The following RETREG1 variants were observed in gnomAD, a reference collection of about 807,000 sequenced individuals.
The protein encoded by RETREG1 is reticulophagy regulator 1.
A neutral mutation model predicts 54.8 loss-of-function variants in RETREG1; 44 were observed. The ratio of observed to expected loss-of-function variants is 0.80; its 90% CI spans 0.63 to 1.03. The LOEUF is 1.03. RETREG1 is among the 50% of genes least tolerant of loss of function. The probability of loss-of-function intolerance (pLI) is 0.00; values close to 1 mark genes in which losing one functional copy is unlikely to be tolerated. For missense variants in RETREG1, 554 were observed against 605.1 expected (o/e 0.92, Z 0.89); for synonymous variants, 217 against 238.5 (o/e 0.91, Z 0.83).
At chr5:16,577,851 C>G (rs1200352072) in intron 1 of RETREG1, among the ~76,000 whole-genome samples, 1 of 152,176 alleles carries the variant, frequency 6.6e-6, no homozygotes, top group Non-Finnish European at 1.5e-5. Flanking sequence ...TTCTCTCTTG[C>G]CTGCCACGAT....
chr5:16,492,252 C>CA (rs369527539), intron 3 of RETREG1, among the ~76,000 whole-genome samples: 33,387 of 147,976 alleles, frequency 0.23, 4,514 homozygotes, highest in Admixed American at 0.41. Context: ...CACACACACA[C>CA]CATTCTTGTT....
rs778992505 is a variant in RETREG1 at position 16,475,070 on chromosome 5, C to G, written c.1165G>C (p.Glu389Gln). The G allele has an allele frequency of 1.2e-6, 2 of 1,613,954 alleles. No homozygotes were observed. Among genetic ancestry groups the G allele is most frequent in the Non-Finnish European group, 1.7e-6 (2 of 1,179,920 alleles). Residue 389 changes from glutamate (E) to glutamine (Q), a missense_variant, in exon 9 of 9, where the codon GAG becomes CAG. By Grantham distance (29) the Glu-to-Gln change is conservative. Around this residue, in one of 4 missense-constraint regions of RETREG1, gnomAD observed 347 missense variants for 412.3 expected, o/e 0.84. Coordinates refer to ENST00000306320, the MANE Select transcript of RETREG1 (RefSeq NM_001034850.3). Reference sequence around the variant, plus strand: ...GTGAGACCAGCTGCTGATTGCGTCTCTTTGCTTGGTCTGTGACCACTGTCC... The same window carrying G: ...GTGAGACCAGCTGCTGATTGCGTCTGTTTGCTTGGTCTGTGACCACTGTCC... Reference protein sequence around the residue: ...QLDSGHRPSKETQSAAGLTLP... With the variant: ...QLDSGHRPSKQTQSAAGLTLP...
chr5:16,555,833 A>G (rs764362928), intron 3 of RETREG1, among the ~76,000 whole-genome samples: 24 of 152,242 alleles, frequency 1.6e-4, no homozygotes, highest in Non-Finnish European at 4.4e-5. Context: ...GCAAAATCTT[A>G]ATTTGTATTC....
intron 3 of RETREG1, among the ~76,000 whole-genome samples, chr5:16,518,338 C>A (rs1740426193): frequency 6.7e-6 from 1 of 149,278 alleles, no homozygotes; most frequent in South Asian, 2.1e-4. Flanking sequence ...GAAGGAAAGG[C>A]AAACTAGAAG....
chr5:16,596,292 C>T (rs26607), intron 1 of RETREG1, among the ~76,000 whole-genome samples: 1 of 152,008 alleles, frequency 6.6e-6, no homozygotes, highest in Non-Finnish European at 1.5e-5. Flanking sequence ...CAGACTAGTG[C>T]CTTCAAAGAA....
intron 1 of RETREG1, among the ~76,000 whole-genome samples, chr5:16,586,147 C>T (rs187682344): frequency 4.3e-4 from 66 of 152,218 alleles, no homozygotes; most frequent in African/African-American, 1.2e-3. Context: ...AAGAAAGAAA[C>T]GGTGTGGCAG....
chr5:16,601,675 C>A lies in RETREG1; in HGVS notation c.320+14977G>T, dbSNP rs142052876. Among the ~76,000 whole-genome samples the A allele has an allele frequency of 3.9e-5, 6 of 152,186 alleles. No individual in the cohort carries two copies. In the East Asian group the frequency reaches 1.2e-3, roughly 29 times the overall value. ...CCTCCCAAAGTGCTGCGATTATAGG[C>A]GTGAGCCACCATACCTGGCCAGGAA... On this transcript the variant is annotated intron_variant, in intron 1 of 8. Transcript: ENST00000306320.
intron 3 of RETREG1, among the ~76,000 whole-genome samples, chr5:16,518,282 T>C (rs1248617208): frequency 4.0e-5 from 6 of 148,610 alleles, no homozygotes; most frequent in Non-Finnish European, 5.9e-5. Flanking sequence ...TATATTTATA[T>C]ATACACTTAT....
At chr5:16,615,750 G>A (rs944013393) in intron 1 of RETREG1, among the ~76,000 whole-genome samples, 1 of 152,140 alleles carries the variant, frequency 6.6e-6, no homozygotes, top group Non-Finnish European at 1.5e-5. Context: ...TCTATTTTGT[G>A]CAATTTATTT....
chr5:16,560,647 C>T (rs902854898), intron 3 of RETREG1, among the ~76,000 whole-genome samples: 1 of 152,184 alleles, frequency 6.6e-6, no homozygotes, highest in Non-Finnish European at 1.5e-5. Flanking sequence ...CTGAGCTCAG[C>T]ACCTGTGAAT....
At chr5:16,598,722 T>C (rs932205542) in intron 1 of RETREG1, among the ~76,000 whole-genome samples, 3 of 152,184 alleles carry the variant, frequency 2.0e-5, no homozygotes, top group African/African-American at 7.2e-5. Flanking sequence ...AGAACCACCT[T>C]TAACCATCCT....
chr5:16,476,971 G>A lies in RETREG1; in HGVS notation c.1000+691C>T, dbSNP rs191686648. On this transcript the variant is annotated intron_variant, in intron 8 of 8. Coordinates refer to ENST00000306320, the MANE Select transcript of RETREG1 (RefSeq NM_001034850.3). The stretch of plus-strand genomic sequence containing the variant: ...TTTGAAGACAAATGTGAGAAACTCC[G>A]GAGTCAGCTTTGGACTCAGGGAACT... 2.4e-4 allele frequency among the ~76,000 whole-genome samples: 37 copies of A among 152,116 alleles called. No homozygotes were observed. In the East Asian group the frequency reaches 2.9e-3, roughly 12 times the overall value.
intron 3 of RETREG1, among the ~76,000 whole-genome samples, chr5:16,504,684 G>T (rs1739873215): frequency 6.6e-6 from 1 of 152,166 alleles, no homozygotes; most frequent in South Asian, 2.1e-4. Context: ...GGCTCCTCAG[G>T]AGTCAGCCAC....
intron 1 of RETREG1, among the ~76,000 whole-genome samples, chr5:16,604,085 A>G (rs1743121085): frequency 6.6e-6 from 1 of 152,222 alleles, no homozygotes; most frequent in South Asian, 2.1e-4. Flanking sequence ...GCAGATGGAG[A>G]TAGCAAGCTC....
Position 16,561,269 on chromosome 5 carries a change from G to A in RETREG1, c.458+4494C>T, listed in dbSNP as rs1277569465. ...TCCCAGCACTTTGGGAGGCCGAGTC[G>A]GGCGGATCATGAGGTCAGGAGATCA... On this transcript the variant is annotated intron_variant, in intron 3 of 8. Transcript: ENST00000306320. The surrounding 1 kb of genome is among the most constrained non-coding windows in gnomAD (Gnocchi z 4.2). 6.6e-6 allele frequency among the ~76,000 whole-genome samples: 1 copy of A among 151,998 alleles called. No homozygotes were observed. Among genetic ancestry groups the A allele is most frequent in the Non-Finnish European group, 1.5e-5 (1 of 67,992 alleles).
intron 3 of RETREG1, among the ~76,000 whole-genome samples, chr5:16,543,037 C>T (rs1741292066): frequency 6.6e-6 from 1 of 152,210 alleles, no homozygotes. Flanking sequence ...TGCTTTGTCA[C>T]TGTAGATTAG....
At chr5:16,489,194 G>A (rs1739155122) in intron 3 of RETREG1, among the ~76,000 whole-genome samples, 1 of 146,062 alleles carries the variant, frequency 6.8e-6, no homozygotes, top group African/African-American at 2.5e-5. Context: ...GTTTTGTTAT[G>A]AACAAAATAA....
chr5:16,528,566 C>T (rs115455258), intron 3 of RETREG1, among the ~76,000 whole-genome samples: 117 of 152,230 alleles, frequency 7.7e-4, no homozygotes, highest in African/African-American at 2.6e-3. Context: ...TGAGACCTGT[C>T]CCAGGTGATA....
At chr5:16,532,792 C>G (rs551716941) in intron 3 of RETREG1, among the ~76,000 whole-genome samples, 57 of 152,082 alleles carry the variant, frequency 3.7e-4, no homozygotes, top group Admixed American at 1.0e-3. Context: ...ATGTAAAATA[C>G]TATGGTGAAA....
Sources: gnomAD v4.1 joint callset for allele counts (sites outside exome capture counted in the v4.1 genomes callset) on GRCh38, gnomAD v4.1.1 for gene constraint, gnomAD v4.1.1 regional missense constraint, Gnocchi (gnomAD v3.1) non-coding constraint, MANE v1.5 for transcripts, NCBI Gene and HGNC (gene_info 2026-07-23, HGNC 2026-07-21) for gene names.